The following COL4A1 variants were observed in gnomAD, a reference collection of about 807,000 sequenced individuals.
COL4A1 encodes collagen alpha-1(IV) chain.
In COL4A1, 40 loss-of-function variants were observed where a neutral mutation model predicts 216.6. The observed-to-expected ratio is 0.18, with a 90% CI of 0.14 to 0.24. COL4A1 has a LOEUF of 0.24. COL4A1 is among the 10% of genes least tolerant of loss of function. The pLI is 1.00. For missense variants in COL4A1, 1,628 were observed against 2,196.8 expected, an observed-to-expected ratio of 0.74 and a Z score of 5.18; for synonymous variants, 839 against 810.7, an observed-to-expected ratio of 1.03 and a Z score of -0.59.
intron 1 of COL4A1, among the ~76,000 whole-genome samples, chr13:110,296,355 T>C (rs973232585): frequency 1.3e-5 from 2 of 152,242 alleles, no homozygotes; most frequent in African/African-American, 2.4e-5. Flanking sequence ...AATATCATTA[T>C]AATCCCAATA....
intron 49 of COL4A1, among the ~76,000 whole-genome samples, chr13:110,159,234 G>A (rs558973057): frequency 6.1e-5 from 9 of 148,140 alleles, no homozygotes; most frequent in African/African-American, 2.3e-4. Flanking sequence ...TTTTCGATGG[G>A]TACAATATCA....
chr13:110,233,148 C>G (rs963761161), intron 2 of COL4A1, among the ~76,000 whole-genome samples: 1 of 152,040 alleles, frequency 6.6e-6, no homozygotes, highest in Non-Finnish European at 1.5e-5. Flanking sequence ...TGAATTCAGG[C>G]ATATTTTTAA....
intron 2 of COL4A1, among the ~76,000 whole-genome samples, chr13:110,239,200 C>T (rs572206363): frequency 6.6e-6 from 1 of 152,148 alleles, no homozygotes; most frequent in East Asian, 1.9e-4. Context: ...GATTATAACG[C>T]CAGCAATGAT....
chr13:110,188,152 A>G (rs954368665), intron 24 of COL4A1, among the ~76,000 whole-genome samples: 2 of 152,254 alleles, frequency 1.3e-5, no homozygotes, highest in Non-Finnish European at 2.9e-5. Context: ...AATGTTTCCA[A>G]CAATTGTCCC....
chr13:110,155,136 C>A, intron 50 of COL4A1, 147 bp downstream of exon 50: 1 of 726,316 alleles, frequency 1.4e-6, no homozygotes, highest in South Asian at 1.5e-5. Flanking sequence ...TTGAGGCATG[C>A]TTTGGAAGGG....
chr13:110,179,088 C>T (rs376190805), intron 30 of COL4A1, 52 bp from the exon 31 acceptor site: 31 of 1,562,116 alleles, frequency 2.0e-5, no homozygotes, highest in African/African-American at 5.4e-5. Context: ...GCACGTCTCC[C>T]GGCCTAGGAG....
chr13:110,193,044 A>G, intron 22 of COL4A1, 131 bp from the exon 23 acceptor site: 1 of 805,190 alleles, frequency 1.2e-6, no homozygotes, highest in Non-Finnish European at 2.1e-6. Flanking sequence ...CTCAGTGGCA[A>G]TGGCTCCTCC....
chr13:110,295,365 C>T (rs1407748909), intron 1 of COL4A1, among the ~76,000 whole-genome samples: 1 of 148,110 alleles, frequency 6.8e-6, no homozygotes, highest in Non-Finnish European at 1.5e-5. Flanking sequence ...TCAATTAAAG[C>T]TTTTGAATGT....
chr13:110,279,707 C>T (rs900618930), intron 1 of COL4A1, among the ~76,000 whole-genome samples: 4 of 152,216 alleles, frequency 2.6e-5, no homozygotes, highest in African/African-American at 9.7e-5. Context: ...GTTTTTCCCT[C>T]CCCAAGACTT....
In COL4A1 at chr13:110,160,375, G is replaced by A. The variant is rs1350566546; in HGVS notation, c.4640+817C>T. Reference sequence around the variant, plus strand: ...GAGAATGGCGTGAACCCCGGGAAGCGGAGCTTGCAGTGAGCCGAGATTGCG... The same window carrying A: ...GAGAATGGCGTGAACCCCGGGAAGCAGAGCTTGCAGTGAGCCGAGATTGCG... On this transcript the variant is annotated intron_variant, in intron 49 of 51. Transcript: ENST00000375820. 1.0e-4 allele frequency among the ~76,000 whole-genome samples: 12 copies of A among 120,038 alleles called. 1 individual carries two copies. The highest frequency in any genetic ancestry group is 2.9e-4 in the African/African-American group (8 of 27,676). The allele number at this position is 120,038 out of a possible 152,430, so 78.7% of individuals were successfully genotyped here. A position where few individuals can be genotyped will look rare whatever the true frequency, so the allele number is the denominator to read the frequency against.
rs1048730267 is a variant in COL4A1 at position 110,177,130 on chromosome 13, G to A, written c.2717-93C>T. On this transcript the variant is annotated intron_variant, in intron 33 of 51. Transcript: ENST00000375820. ...TTCTTGTTGACAGGGACAGCAGCTG[G>A]CAAAAAGGCTACAAAGCACTCATAA... 3.8e-6 allele frequency: 6 copies of A among 1,579,970 alleles called. No homozygotes were observed. In the Admixed American group the frequency reaches 8.8e-5, roughly 23 times the overall value.
In COL4A1 at chr13:110,166,246, A is replaced by G; in HGVS notation, c.4007T>C (p.Val1336Ala). The change falls in exon 45 of 52, where the codon GTC (valine) becomes GCC (alanine). Residue 1336 changes from valine to alanine, a missense_variant. Val to Ala is a moderately conservative substitution (Grantham distance 64). Around this residue, in one of 8 missense-constraint regions of COL4A1, gnomAD observed 345 missense variants for 476.9 expected, o/e 0.72. Transcript: ENST00000375820. ...AACTCTCCTACCTTTAGCTCCCGGGACGCCTTGATCGCCTTGATCACCTTT... is the reference window on the plus strand; with the variant it reads ...AACTCTCCTACCTTTAGCTCCCGGGGCGCCTTGATCGCCTTGATCACCTTT... ...GIKGDQGDQG[V>A]PGAKGLPGPP... The G allele has an allele frequency of 1.2e-6, 2 of 1,608,348 alleles. No homozygotes were observed. The highest frequency in any genetic ancestry group is 3.3e-5 in the Admixed American group (2 of 60,002).
intron 1 of COL4A1, among the ~76,000 whole-genome samples, chr13:110,277,534 C>T (rs1194689929): frequency 1.3e-5 from 2 of 152,186 alleles, no homozygotes; most frequent in Non-Finnish European, 2.9e-5. Flanking sequence ...GGACCCACCT[C>T]CAGCTTCCCA....
intron 41 of COL4A1, among the ~76,000 whole-genome samples, chr13:110,171,729 G>T (rs1454786289): frequency 6.6e-6 from 1 of 152,252 alleles, no homozygotes; most frequent in Non-Finnish European, 1.5e-5. Context: ...CGTAGAGTTT[G>T]TGCAAGGGCA....
At chr13:110,179,179 A>G in intron 30 of COL4A1, 92 bp downstream of exon 30, 1 of 1,580,370 alleles carries the variant, frequency 6.3e-7, no homozygotes. Flanking sequence ...TTCAACAAAT[A>G]CATATCAAAT....
Position 110,206,871 on chromosome 13 carries a change from T to G in COL4A1, c.801A>C (p.Gly267=), listed in dbSNP as rs1566374260. 6.2e-7 allele frequency: 1 copy of G among 1,613,954 alleles called. No individual in the cohort carries two copies. Among genetic ancestry groups the G allele is most frequent in the Admixed American group, 1.7e-5 (1 of 59,984 alleles). Residue 267 remains glycine (G), a synonymous_variant, in exon 14 of 52, where the codon GGA becomes GGC. Coordinates refer to ENST00000375820, the MANE Select transcript of COL4A1 (RefSeq NM_001845.6). ...GCAGAAACTGAGTACTGACCTGAAA[T>G]CCAGGTTCACCTTTTTGGCCCTGAA... is the stretch of plus-strand genomic sequence containing the variant. ...KGEKGQKGEP[G]FQGMPGVGEK... is the part of the protein sequence containing the mutation.
At chr13:110,232,933 G>A (rs16975708) in intron 2 of COL4A1, among the ~76,000 whole-genome samples, 20,675 of 152,114 alleles carry the variant, frequency 0.14, 1,702 homozygotes, top group African/African-American at 0.22. Context: ...CAGATTTTAC[G>A]GTGGGCAGAA....
intron 1 of COL4A1, among the ~76,000 whole-genome samples, chr13:110,269,373 G>A (rs1018003658): frequency 1.2e-4 from 19 of 152,102 alleles, no homozygotes; most frequent in Non-Finnish European, 2.8e-4. Context: ...AGAGAACATT[G>A]TCATAAAAAC....
chr13:110,291,674 T>C (rs933279632), intron 1 of COL4A1, among the ~76,000 whole-genome samples: 3 of 152,222 alleles, frequency 2.0e-5, no homozygotes, highest in African/African-American at 4.8e-5. Flanking sequence ...TTCATAAAAG[T>C]GTTCACAGAA....
Sources: allele counts gnomAD v4.1 joint callset (sites outside exome capture counted in the v4.1 genomes callset), GRCh38; gene constraint gnomAD v4.1.1; regional missense constraint gnomAD v4.1.1; transcripts MANE v1.5; gene names NCBI Gene and HGNC (gene_info 2026-07-23, HGNC 2026-07-21).